The following GALC variants were observed in gnomAD, a reference collection of about 807,000 sequenced individuals.
GALC encodes the protein galactosylceramidase, also known as galactocerebrosidase.
A neutral mutation model predicts 91.8 loss-of-function variants in GALC; 77 were observed. The ratio of observed to expected loss-of-function variants is 0.84; its 90% CI spans 0.70 to 1.01. GALC has a LOEUF of 1.01. GALC is among the 50% of genes least tolerant of loss of function. The probability of loss-of-function intolerance (pLI) is 0.00; values close to 1 mark genes in which losing one functional copy is unlikely to be tolerated. For missense variants in GALC, 882 were observed against 855.9 expected (o/e 1.03, Z -0.38); for synonymous variants, 357 against 306.7 (o/e 1.16, Z -1.71).
rs370952794 is a variant in GALC at position 87,945,656 on chromosome 14, G to A, written c.1567C>T (p.Pro523Ser). Residue 523 changes from proline to serine, a missense_variant, in exon 14 of 17, where the codon CCT becomes TCT. Coordinates refer to ENST00000261304, the MANE Select transcript of GALC (RefSeq NM_000153.4). The stretch of plus-strand genomic sequence containing the variant: ...CGTAGCGTGAAGTGATGCTCGCCAG[G>A]GTCTTCAATATTTGTAAAATATTCA... ...VFEYFTNIED[P>S]GEHHFTLRQV... The A allele has an allele frequency of 6.2e-7, 1 of 1,611,612 alleles. No individual in the cohort carries two copies. The highest frequency in any genetic ancestry group is 1.1e-5 in the South Asian group (1 of 91,036).
chr14:87,951,347 G>T (rs1403967809), intron 10 of GALC, among the ~76,000 whole-genome samples: 3 of 151,776 alleles, frequency 2.0e-5, no homozygotes, highest in African/African-American at 7.3e-5. Context: ...AATACTTATA[G>T]TACACAGTTC....
intron 14 of GALC, 104 bp downstream of exon 14, chr14:87,945,449 G>C: frequency 1.2e-6 from 1 of 869,158 alleles, no homozygotes; most frequent in Non-Finnish European, 2.0e-6. Context: ...CATCTATTAG[G>C]TTCTTGAAAT....
At chr14:87,987,215 A>C (rs1469456577) in intron 3 of GALC, among the ~76,000 whole-genome samples, 2 of 152,224 alleles carry the variant, frequency 1.3e-5, no homozygotes, top group Non-Finnish European at 2.9e-5. Flanking sequence ...ATATTCCCAC[A>C]GTTCACCAAC....
At chr14:87,955,032 G>A (rs1006353142) in intron 10 of GALC, 19 of 1,353,158 alleles carry the variant, frequency 1.4e-5, no homozygotes, top group Non-Finnish European at 1.9e-5. Flanking sequence ...CCTATGGGAT[G>A]GTCATGGCAG....
intron 7 of GALC, among the ~76,000 whole-genome samples, chr14:87,973,979 C>G (rs1038878165): frequency 6.6e-6 from 1 of 152,054 alleles, no homozygotes; most frequent in African/African-American, 2.4e-5. Context: ...TGCTAAATAA[C>G]AAAAGAAACA....
At chr14:87,963,792 T>G (rs1885911673) in intron 9 of GALC, among the ~76,000 whole-genome samples, 1 of 152,068 alleles carries the variant, frequency 6.6e-6, no homozygotes, top group African/African-American at 2.4e-5. Flanking sequence ...AAAATAGTTA[T>G]TCCCCCCCCA....
At chr14:87,993,214 C>T (rs1455935596), upstream of GALC, 1 of 1,550,762 alleles carries the variant, frequency 6.4e-7, no homozygotes, top group South Asian at 1.2e-5. Flanking sequence ...CCCGTCGCCG[C>T]CACGATAGAT....
intron 10 of GALC, among the ~76,000 whole-genome samples, chr14:87,952,091 TAAAG>T (rs1165580945): frequency 5.3e-5 from 8 of 150,368 alleles, no homozygotes; most frequent in African/African-American, 2.0e-4. Flanking sequence ...AAAATAAAAA[TAAAG>T]AAAAAACCAA....
chr14:87,992,969 C>T lies in GALC; in HGVS notation c.195+1G>A, dbSNP rs1009872980. ...GCGTATCCCCGCAGCTTGCCGCTCACCCCGCCGCCGCTGACCGCGCCGATG... is the reference window on the plus strand; with the variant it reads ...GCGTATCCCCGCAGCTTGCCGCTCATCCCGCCGCCGCTGACCGCGCCGATG... On this transcript the variant is annotated splice_donor_variant, in intron 1 of 16. Coordinates refer to ENST00000261304, the MANE Select transcript of GALC (RefSeq NM_000153.4). LOFTEE classifies it high-confidence loss of function. 2.0e-6 allele frequency: 3 copies of T among 1,519,566 alleles called. No individual in the cohort carries two copies. Among genetic ancestry groups the T allele is most frequent in the African/African-American group, 1.4e-5 (1 of 69,232 alleles). 94.1% of individuals were successfully genotyped at this position (1,519,566 alleles called of 1,614,324 possible).
At chr14:87,963,608 T>G in intron 9 of GALC, 97 bp from the exon 10 acceptor site, 1 of 1,019,546 alleles carries the variant, frequency 9.8e-7, no homozygotes, top group South Asian at 1.4e-5. Context: ...TGAGTCTGAT[T>G]CATCCAAACA....
intron 7 of GALC, 39 bp downstream of exon 7, chr14:87,976,319 A>G (rs1474256914): frequency 6.2e-7 from 1 of 1,610,820 alleles, no homozygotes. Context: ...AGAGCAAGCA[A>G]TCAGAAACTG....
At position 87,988,443 on chromosome 14, in the gene GALC, T is replaced by C. The variant is rs199758464; in HGVS notation, c.264+12A>G. The C allele has an allele frequency of 1.9e-5, 30 of 1,539,090 alleles. No homozygotes were observed. Among genetic ancestry groups the C allele is most frequent in the Non-Finnish European group, 2.5e-5 (28 of 1,112,164 alleles). ...TATCACAGGTACCATGAAATAATTA[T>C]GTTTTCATTACCTTAAAGAGATAAT... On this transcript the variant is annotated intron_variant, in intron 2 of 16. Coordinates refer to ENST00000261304, the MANE Select transcript of GALC (RefSeq NM_000153.4).
At chr14:87,940,034 A>T in intron 15 of GALC, 53 bp from the exon 16 acceptor site, 3 of 1,375,534 alleles carry the variant, frequency 2.2e-6, no homozygotes, top group Non-Finnish European at 3.1e-6. Flanking sequence ...TCTCAATCAC[A>T]GAATCATATA....
At chr14:87,963,578 A>T in intron 9 of GALC, 67 bp from the exon 10 acceptor site, 1 of 1,410,136 alleles carries the variant, frequency 7.1e-7, no homozygotes, top group South Asian at 1.2e-5. Flanking sequence ...TTGGGAAAAA[A>T]AAAAAGCTGT....
At position 87,941,505 on chromosome 14, in the gene GALC, C is replaced by CA. The variant is rs1405488688; in HGVS notation, c.1723_1724insT (p.Gly575ValfsTer10). 4.4e-6 allele frequency: 7 copies of CA among 1,596,938 alleles called. No homozygotes were observed. In the African/African-American group the frequency reaches 8.0e-5, roughly 18 times the overall value. Reference sequence around the variant, plus strand: ...ATTTACTCTTCCTGCAATGAACACACCTCCTGTGTCAGGGGTCTCTATGTA... The same window carrying CA: ...ATTTACTCTTCCTGCAATGAACACACACTCCTGTGTCAGGGGTCTCTATGTA... On this transcript the variant is annotated frameshift_variant, in exon 15 of 17. Transcript: ENST00000261304. LOFTEE classifies it high-confidence loss of function.
chr14:87,937,488 A>T (rs904020828), intron 16 of GALC, among the ~76,000 whole-genome samples: 1 of 151,920 alleles, frequency 6.6e-6, no homozygotes, highest in Non-Finnish European at 1.5e-5. Flanking sequence ...TGAAACACAA[A>T]ATAACAGGAG....
intron 10 of GALC, chr14:87,954,341 G>T: frequency 6.2e-7 from 1 of 1,601,490 alleles, no homozygotes; most frequent in Non-Finnish European, 8.6e-7. Context: ...ATAGAGGACA[G>T]AAGCAGAAAA....
At chr14:87,956,098 C>T (rs111645220) in intron 10 of GALC, among the ~76,000 whole-genome samples, 5,672 of 151,954 alleles carry the variant, frequency 0.037, 251 homozygotes, top group African/African-American at 0.11. Flanking sequence ...ATTTAAGTCC[C>T]CAGGGCATTG....
Position 87,988,220 on chromosome 14 carries a change from G to GT in GALC, c.265-14dup. Reference sequence around the variant, plus strand: ...CACCAAAATTCGGCTGTGAAAAGAAGTAACAGTATTAACATAGTGTTGTAT... The same window carrying GT: ...CACCAAAATTCGGCTGTGAAAAGAAGTTAACAGTATTAACATAGTGTTGTAT... On this transcript the variant is annotated splice_polypyrimidine_tract_variant and intron_variant, in intron 2 of 16. Coordinates refer to ENST00000261304, the MANE Select transcript of GALC (RefSeq NM_000153.4). 6.2e-7 allele frequency: 1 copy of GT among 1,609,316 alleles called. No homozygotes were observed. The highest frequency in any genetic ancestry group is 1.1e-5 in the South Asian group (1 of 90,984).
Sources: allele counts gnomAD v4.1 joint callset (sites outside exome capture counted in the v4.1 genomes callset), GRCh38; gene constraint gnomAD v4.1.1; transcripts MANE v1.5; gene names NCBI Gene and HGNC (gene_info 2026-07-23, HGNC 2026-07-21).